Variants in DPP6 observed in about 807,000 individuals in gnomAD.
DPP6 encodes the protein dipeptidyl peptidase like 6.
DPP6 carries 69 observed loss-of-function variants against 122.6 expected under a neutral mutation model. The observed-to-expected ratio is 0.56, with a 90% confidence interval of 0.46 to 0.69. The LOEUF is 0.69. Among genes scored for constraint, DPP6 ranks in the 30% least tolerant of loss-of-function variants. DPP6 has a pLI of 0.00. For synonymous variants in DPP6, 418 were observed against 433.1 expected, an observed-to-expected ratio of 0.97 and a Z score of 0.43; for missense variants, 928 against 1,116.9, an observed-to-expected ratio of 0.83 and a Z score of 2.41.
At chr7:153,789,507 T>A in the DPP6 span, among the ~76,000 whole-genome samples, 1 of 152,152 alleles carries the variant, frequency 6.6e-6, no homozygotes, top group Non-Finnish European at 1.5e-5. Context: ...AACACTGGAT[T>A]TATGAGAAAT....
In DPP6 at chr7:154,241,778, C is replaced by T. The variant is rs59309371; in HGVS notation, c.243+188715C>T. On this transcript the variant is annotated intron_variant, in intron 1 of 25. Transcript: ENST00000377770. This position sits in a 1 kb window ranked among gnomAD's most constrained non-coding sequence, Gnocchi z 9.0. ...TTTTAAGTTTAAAAAGATTGTCTGC[C>T]GACCGAAAAAGTTTATGTCAAAACT... is the stretch of plus-strand genomic sequence containing the variant. Among the ~76,000 whole-genome samples the T allele has an allele frequency of 0.1, 15,269 of 152,096 alleles. 1,162 individuals carry two copies. Among genetic ancestry groups the T allele is most frequent in the East Asian group, 0.37 (1,934 of 5,162 alleles).
At chr7:154,867,227 G>A (rs747415302) in intron 17 of DPP6, among the ~76,000 whole-genome samples, 2 of 152,156 alleles carry the variant, frequency 1.3e-5, no homozygotes, top group South Asian at 2.1e-4. Context: ...TTTATGACAC[G>A]TCAGATGGTG....
chr7:154,437,763 C>A (rs1403313964), intron 1 of DPP6, among the ~76,000 whole-genome samples: 2 of 152,092 alleles, frequency 1.3e-5, no homozygotes, highest in Non-Finnish European at 2.9e-5. Context: ...TGGCGAAACC[C>A]AGTCTCTGCT....
intron 1 of DPP6, among the ~76,000 whole-genome samples, chr7:154,039,072 C>T (rs1799647359): frequency 5.8e-5 from 2 of 34,306 alleles, no homozygotes; most frequent in South Asian, 3.8e-3. Context: ...CCCAAACTCT[C>T]TCCTACTTTT....
intron 1 of DPP6, among the ~76,000 whole-genome samples, chr7:154,352,703 A>T (rs66991837): frequency 1.3e-5 from 2 of 151,914 alleles, no homozygotes; most frequent in South Asian, 4.2e-4. Context: ...GAGGGAGAAC[A>T]TTAGGACAAG....
chr7:154,185,685 A>G (rs1356160546), intron 1 of DPP6, among the ~76,000 whole-genome samples: 1 of 152,192 alleles, frequency 6.6e-6, no homozygotes, highest in Non-Finnish European at 1.5e-5. Context: ...CTGACAATAG[A>G]TCGACAGCTT....
chr7:153,830,369 C>G, the DPP6 span, among the ~76,000 whole-genome samples: 2 of 152,132 alleles, frequency 1.3e-5, no homozygotes, highest in African/African-American at 4.8e-5. Flanking sequence ...GAAAGAGCAC[C>G]TAATGCTAAA....
chr7:154,878,726 G>T (rs149189482), intron 20 of DPP6, among the ~76,000 whole-genome samples: 1 of 152,162 alleles, frequency 6.6e-6, no homozygotes, highest in African/African-American at 2.4e-5. Flanking sequence ...AAGGCAGCGG[G>T]CAGCTGTGTA....
chr7:154,587,578 A>G, intron 5 of DPP6: 2 of 1,471,456 alleles, frequency 1.4e-6, no homozygotes, highest in Non-Finnish European at 9.0e-7. Context: ...CCATGCCCCA[A>G]AATAGCATCC....
chr7:154,062,034 CGCGAGG>C (rs1802040120), intron 1 of DPP6, among the ~76,000 whole-genome samples: 7 of 125,148 alleles, frequency 5.6e-5, no homozygotes, highest in African/African-American at 1.8e-4. Context: ...AGGCACCCCC[CGCGAGG>C]CAGGGACTGA....
intron 3 of DPP6, among the ~76,000 whole-genome samples, chr7:154,496,336 T>C (rs936116500): frequency 6.6e-6 from 1 of 152,240 alleles, no homozygotes; most frequent in African/African-American, 2.4e-5. Flanking sequence ...GAAGATGTTA[T>C]GACATAAAAG....
At chr7:153,930,414 CTGA>C (rs1443056520) in intron 1 of DPP6, among the ~76,000 whole-genome samples, 7 of 152,140 alleles carry the variant, frequency 4.6e-5, no homozygotes, top group African/African-American at 1.7e-4. Flanking sequence ...CCAGCATCCT[CTGA>C]TGTTCTCAGC....
intron 1 of DPP6, among the ~76,000 whole-genome samples, chr7:154,118,118 T>A (rs1807133629): frequency 6.7e-6 from 1 of 149,666 alleles, no homozygotes; most frequent in African/African-American, 2.5e-5. Context: ...ACAAAAGCTG[T>A]GCATGATGAT....
chr7:154,366,535 G>T (rs1410547030), intron 1 of DPP6, among the ~76,000 whole-genome samples: 1 of 152,222 alleles, frequency 6.6e-6, no homozygotes, highest in African/African-American at 2.4e-5. Context: ...TGCCTAGCTT[G>T]CAACTGCAGA....
the DPP6 span, among the ~76,000 whole-genome samples, chr7:153,801,903 C>G: frequency 1.3e-5 from 2 of 152,156 alleles, no homozygotes; most frequent in African/African-American, 4.8e-5. Context: ...ACATATCTAG[C>G]ACATCACTTT....
intron 5 of DPP6, among the ~76,000 whole-genome samples, chr7:154,619,245 C>T (rs1208221406): frequency 1.3e-5 from 2 of 152,196 alleles, no homozygotes; most frequent in Admixed American, 6.5e-5. Flanking sequence ...AGCATAGGCA[C>T]TCCATGTTCA....
At chr7:154,354,557 T>C (rs1174899358) in intron 1 of DPP6, among the ~76,000 whole-genome samples, 1 of 152,174 alleles carries the variant, frequency 6.6e-6, no homozygotes, top group Non-Finnish European at 1.5e-5. Context: ...TGGGTGTCTT[T>C]TCTCTTCCCA....
intron 8 of DPP6, among the ~76,000 whole-genome samples, chr7:154,762,365 A>T (rs1416845905): frequency 6.6e-6 from 1 of 152,242 alleles, no homozygotes; most frequent in East Asian, 1.9e-4. Flanking sequence ...CCAAGGCGTC[A>T]GTCTCTGTGA....
intron 1 of DPP6, among the ~76,000 whole-genome samples, chr7:154,253,216 A>G (rs1488844914): frequency 6.6e-6 from 1 of 151,602 alleles, no homozygotes; most frequent in Non-Finnish European, 1.5e-5. Flanking sequence ...TGAAAAGAAA[A>G]GAGGGCAACA....
Sources: gnomAD v4.1 joint callset for allele counts (sites outside exome capture counted in the v4.1 genomes callset) on GRCh38, gnomAD v4.1.1 for gene constraint, Gnocchi (gnomAD v3.1) non-coding constraint, MANE v1.5 for transcripts, NCBI Gene and HGNC (gene_info 2026-07-23, HGNC 2026-07-21) for gene names.